Variants in FER1L6 observed in about 807,000 individuals in gnomAD.
The protein encoded by FER1L6 is fer-1-like protein 6.
Under a neutral mutation model 219.2 loss-of-function variants are expected in FER1L6, and 177 were observed. That is an observed-to-expected ratio of 0.81 (90% CI 0.71 to 0.91). FER1L6 has a LOEUF of 0.91. FER1L6 is among the 40% of genes least tolerant of loss of function. The probability of loss-of-function intolerance (pLI) is 0.00; values close to 1 mark genes in which losing one functional copy is unlikely to be tolerated. For missense variants in FER1L6, 2,153 were observed against 2,259.9 expected, an observed-to-expected ratio of 0.95 and a Z score of 0.96; for synonymous variants, 768 against 824.3, an observed-to-expected ratio of 0.93 and a Z score of 1.17.
intron 2 of FER1L6, among the ~76,000 whole-genome samples, chr8:123,959,001 G>T (rs561910927): frequency 1.3e-5 from 2 of 152,140 alleles, no homozygotes; most frequent in African/African-American, 2.4e-5. Context: ...AGATGGAGCA[G>T]GTCCCTAATT....
intron 35 of FER1L6, among the ~76,000 whole-genome samples, chr8:124,095,689 C>A (rs989535617): frequency 2.0e-5 from 3 of 152,112 alleles, no homozygotes; most frequent in Non-Finnish European, 4.4e-5. Context: ...CAAACTGGGG[C>A]CATTTGGGAG....
At position 123,852,274 on chromosome 8, in the gene FER1L6, C is replaced by G. The variant is rs557532442; in HGVS notation, c.-8+89C>G. 2.6e-5 allele frequency: 4 copies of G among 152,350 alleles called. No homozygotes were observed. Among genetic ancestry groups the G allele is most frequent in the African/African-American group, 9.6e-5 (4 of 41,546 alleles). 9.4% of individuals were successfully genotyped at this position (152,350 alleles called of 1,614,324 possible). On this transcript the variant is annotated intron_variant, in intron 1 of 40. Coordinates refer to ENST00000522917, the MANE Select transcript of FER1L6 (RefSeq NM_001039112.2). This position sits in a 1 kb window ranked among gnomAD's most constrained non-coding sequence, Gnocchi z 4.9. ...GAGCAAATGTGTATTCCAGTAAGGA[C>G]AAAATGCTTCCCCTCCCTTCCACAA...
At position 124,034,668 on chromosome 8, in the gene FER1L6, A is replaced by G. The variant is rs578188361; in HGVS notation, c.2287-609A>G. Among the ~76,000 whole-genome samples the G allele has an allele frequency of 4.6e-5, 7 of 152,358 alleles. No homozygotes were observed. In the South Asian group the frequency reaches 1.4e-3, roughly 32 times the overall value. On this transcript the variant is annotated intron_variant, in intron 18 of 40. Transcript: ENST00000522917. ...GAGGAAGCGGTGAAGGTGTTTAGCC[A>G]GGAGGAAAGTGCATGGCAGGCCAGG...
At chr8:123,940,111 T>A (rs1186800962) in intron 1 of FER1L6, among the ~76,000 whole-genome samples, 1 of 152,230 alleles carries the variant, frequency 6.6e-6, no homozygotes, top group Admixed American at 6.5e-5. Context: ...ATTAAATGTT[T>A]GTTAAATTAC....
At chr8:124,086,335 CTTTTT>C (rs1482739835) in intron 33 of FER1L6, among the ~76,000 whole-genome samples, 1 of 149,582 alleles carries the variant, frequency 6.7e-6, no homozygotes, top group Non-Finnish European at 1.5e-5. Flanking sequence ...TAATTTCTTG[CTTTTT>C]TATTTTTTGT....
intron 19 of FER1L6, 24 bp from the exon 20 acceptor site, chr8:124,039,858 C>T: frequency 6.2e-7 from 1 of 1,613,914 alleles, no homozygotes. Context: ...CTAACACCTG[C>T]CCCCTTCCAT....
At chr8:124,112,273 G>A (rs896160390) in intron 39 of FER1L6, among the ~76,000 whole-genome samples, 6 of 152,120 alleles carry the variant, frequency 3.9e-5, no homozygotes, top group African/African-American at 1.4e-4. Context: ...ACTGCCACCT[G>A]CCAGATTTAT....
rs772938284 is a variant in FER1L6, at chr8:124,101,201, A to G, written c.4988A>G (p.Tyr1663Cys). Residue 1663 changes from tyrosine to cysteine, a missense_variant, in exon 38 of 41, where the codon TAT becomes TGT. Transcript: ENST00000522917. The part of the protein sequence containing the change: ...FNWRFLFPFQ[Y>C]LPAEKQMVIT... ...TGGCGCTTCCTGTTTCCCTTTCAGTATCTCCCAGCTGAGAAGCAAATGGTC... is the reference window on the plus strand; with the variant it reads ...TGGCGCTTCCTGTTTCCCTTTCAGTGTCTCCCAGCTGAGAAGCAAATGGTC... 1 of 1,613,898 alleles carries G rather than the reference A, an allele frequency of 6.2e-7. No homozygotes were observed.
At chr8:124,097,649 G>T (rs1330295123) in intron 36 of FER1L6, 136 bp from the exon 37 acceptor site, 2 of 624,946 alleles carry the variant, frequency 3.2e-6, no homozygotes, top group Admixed American at 2.8e-5. Context: ...ACAGAACCAA[G>T]CCCCTAAGTG....
intron 1 of FER1L6, among the ~76,000 whole-genome samples, chr8:123,914,323 A>T (rs4871426): frequency 0.33 from 50,068 of 152,036 alleles, 8,765 homozygotes; most frequent in East Asian, 0.45. Flanking sequence ...AGAATATGAG[A>T]TTGAGCCTGA....
chr8:124,095,136 T>C (rs750980107), intron 35 of FER1L6, 98 bp downstream of exon 35: 2 of 1,465,364 alleles, frequency 1.4e-6, no homozygotes, highest in Non-Finnish European at 1.9e-6. Context: ...CTCAGGTACA[T>C]TTAGCAATGT....
chr8:123,853,767 G>C lies in FER1L6; in HGVS notation c.-8+1582G>C, dbSNP rs902664458. Among the ~76,000 whole-genome samples, 7 of 152,236 alleles carry C rather than the reference G, an allele frequency of 4.6e-5. No homozygotes were observed. Among genetic ancestry groups the C allele is most frequent in the Admixed American group, 4.6e-4 (7 of 15,288 alleles). On this transcript the variant is annotated intron_variant, in intron 1 of 40. Coordinates refer to ENST00000522917, the MANE Select transcript of FER1L6 (RefSeq NM_001039112.2). This position sits in a 1 kb window ranked among gnomAD's most constrained non-coding sequence, Gnocchi z 6.6. ...CCAGAAAGCTGCAGACAACCCAACA[G>C]TGTCAAGCACAGAGGCTGGTTTTCA...
intron 10 of FER1L6, among the ~76,000 whole-genome samples, chr8:123,979,486 G>A (rs891109914): frequency 6.6e-6 from 1 of 152,178 alleles, no homozygotes; most frequent in Non-Finnish European, 1.5e-5. Context: ...ACAGAGCTGA[G>A]ATTTGAACTC....
In FER1L6 at chr8:124,119,918, A is replaced by AGAGATG; in HGVS notation, c.*131_*136dup. The AGAGATG allele has an allele frequency of 1.0e-6, 1 of 969,550 alleles. No homozygotes were observed. Among genetic ancestry groups the AGAGATG allele is most frequent in the Non-Finnish European group, 1.5e-6 (1 of 682,252 alleles). The allele number at this position is 969,550 out of a possible 1,614,324, so 60.1% of individuals were successfully genotyped here. The stretch of plus-strand genomic sequence containing the variant: ...AGGGGACAGATCAACCCTTCTTGGA[A>AGAGATG]GAGATGGAAAAGAAACATTTCCTCC... On this transcript the variant is annotated 3_prime_UTR_variant, in exon 41 of 41. Transcript: ENST00000522917.
chr8:124,072,955 ACTCACAAAG>A (rs1434764838), intron 31 of FER1L6, among the ~76,000 whole-genome samples: 1 of 152,208 alleles, frequency 6.6e-6, no homozygotes, highest in Admixed American at 6.5e-5. Flanking sequence ...AGGCTTTGAG[ACTCACAAAG>A]CTCATTAGCA....
chr8:123,912,554 C>A (rs1285713980), intron 1 of FER1L6, among the ~76,000 whole-genome samples: 1 of 151,516 alleles, frequency 6.6e-6, no homozygotes, highest in Non-Finnish European at 1.5e-5. Context: ...GTTTTTTTGG[C>A]AGGCACTGTT....
intron 22 of FER1L6, among the ~76,000 whole-genome samples, chr8:124,059,427 G>C (rs146061310): frequency 1.3e-5 from 2 of 152,300 alleles, no homozygotes; most frequent in Non-Finnish European, 2.9e-5. Flanking sequence ...GTCAGAAAAA[G>C]CTTCTTTTAT....
intron 19 of FER1L6, 142 bp downstream of exon 19, chr8:124,035,596 C>G: frequency 1.3e-6 from 1 of 755,664 alleles, no homozygotes; most frequent in East Asian, 2.8e-5. Flanking sequence ...AGTACAGTTT[C>G]TAAGTGTTCT....
At chr8:123,970,424 G>GT (rs147021837) in intron 6 of FER1L6, among the ~76,000 whole-genome samples, 20 of 151,400 alleles carry the variant, frequency 1.3e-4, no homozygotes, top group Middle Eastern at 3.4e-3. Flanking sequence ...GTTTTAGTTT[G>GT]TTTTTTTTTA....
Sources: allele counts gnomAD v4.1 joint callset (sites outside exome capture counted in the v4.1 genomes callset), GRCh38; gene constraint gnomAD v4.1.1; non-coding constraint Gnocchi (gnomAD v3.1); transcripts MANE v1.5; gene names NCBI Gene and HGNC (gene_info 2026-07-23, HGNC 2026-07-21).